ZFP62: variants seen among roughly 807,000 people sequenced by gnomAD.
ZFP62 encodes zinc finger protein 62 homolog.
Under a neutral mutation model 56.4 loss-of-function variants are expected in ZFP62, and 44 were observed. The ratio of observed to expected loss-of-function variants is 0.78; its 90% confidence interval spans 0.61 to 1.00. The LOEUF (loss-of-function observed/expected upper bound fraction) is 1.00. Among genes scored for constraint, ZFP62 ranks in the 50% least tolerant of loss-of-function variants. The pLI is 0.00. For missense variants in ZFP62, 1,030 were observed against 1,085.7 expected, an observed-to-expected ratio of 0.95 and a Z score of 0.72; for synonymous variants, 421 against 388.9, an observed-to-expected ratio of 1.08 and a Z score of -0.97.
At chr5:180,829,479 CCGGTGGCCCAG>C in the ZFP62 span, among the ~76,000 whole-genome samples, 1 of 152,246 alleles carries the variant, frequency 6.6e-6, no homozygotes, top group African/African-American at 2.4e-5. Flanking sequence ...GATGTCACCC[CCGGTGGCCCAG>C]CTGTAAAATT....
intron 1 of ZFP62, among the ~76,000 whole-genome samples, chr5:180,854,023 A>G (rs557215429): frequency 1.9e-4 from 29 of 152,354 alleles, no homozygotes; most frequent in Admixed American, 3.3e-4. Context: ...ATATTTGCAT[A>G]TATTTCCTGA....
downstream of ZFP62, among the ~76,000 whole-genome samples, chr5:180,845,326 TAAAAAAAAAAAAAAAAAAAAA>T (rs772922940): frequency 9.1e-5 from 3 of 32,822 alleles, no homozygotes; most frequent in East Asian, 1.9e-3. Context: ...GAGACCGTCT[TAAAAAAAAAAAAAAAAAAAAA>T]AAAAAAAAAA....
chr5:180,847,797 GATT>G lies in ZFP62; in HGVS notation c.*992_*994del. 1 of 985,342 alleles carries G rather than the reference GATT, an allele frequency of 1.0e-6. No homozygotes were observed. Among genetic ancestry groups the G allele is most frequent in the Non-Finnish European group, 1.2e-6 (1 of 829,908 alleles). The allele number at this position is 985,342 out of a possible 1,614,324, so 61.0% of individuals were successfully genotyped here. A position where few individuals can be genotyped will look rare whatever the true frequency, so the allele number is the denominator to read the frequency against. ...CCAAAAACAATCAAACATTTAACAG[GATT>G]ATTAAGAAACATTAATTTCCTTCTC... On this transcript the variant is annotated 3_prime_UTR_variant, in exon 2 of 2. Coordinates refer to ENST00000502412, the MANE Select transcript of ZFP62 (RefSeq NM_001172638.2).
the ZFP62 span, among the ~76,000 whole-genome samples, chr5:180,828,066 T>C: frequency 6.6e-6 from 1 of 152,232 alleles, no homozygotes; most frequent in Non-Finnish European, 1.5e-5. Flanking sequence ...CAATAAATAC[T>C]AAGGGAACTC....
At chr5:180,851,703 A>G (rs1006093694) in intron 1 of ZFP62, among the ~76,000 whole-genome samples, 1 of 152,218 alleles carries the variant, frequency 6.6e-6, no homozygotes, top group Non-Finnish European at 1.5e-5. Flanking sequence ...TAATGTTAAA[A>G]TGCTAGAACC....
At chr5:180,827,722 GGCAT>G in the ZFP62 span, among the ~76,000 whole-genome samples, 1 of 152,140 alleles carries the variant, frequency 6.6e-6, no homozygotes, top group African/African-American at 2.4e-5. Flanking sequence ...ATAAGAGGAA[GGCAT>G]GCCTCTTGCA....
downstream of ZFP62, chr5:180,845,928 T>TA: frequency 3.2e-6 from 3 of 932,816 alleles, no homozygotes; most frequent in Non-Finnish European, 3.8e-6. Flanking sequence ...AATTTGCTAA[T>TA]AGAGACATGC....
In ZFP62 at chr5:180,847,970, G is replaced by A. The variant is rs1054552710; in HGVS notation, c.*822C>T. ...CGGTGTGTTCCATTAGTTACTGAAT[G>A]TGTCAAAATCCTCTCCACGGTAGAA... On this transcript the variant is annotated 3_prime_UTR_variant, in exon 2 of 2. Transcript: ENST00000502412. The A allele has an allele frequency of 3.0e-6, 3 of 985,426 alleles. No homozygotes were observed. The highest frequency in any genetic ancestry group is 4.7e-5 in the South Asian group (1 of 21,290). 61.0% of individuals were successfully genotyped at this position (985,426 alleles called of 1,614,324 possible). A position where few individuals can be genotyped will look rare whatever the true frequency, so the allele number is the denominator to read the frequency against.
chr5:180,847,709 C>G lies in ZFP62; in HGVS notation c.*1083G>C. ...GAGAGTGAGCCCTGAACAAAGTATT[C>G]GTTAACATTTTACAACAGACAACAT... On this transcript the variant is annotated 3_prime_UTR_variant, in exon 2 of 2. Coordinates refer to ENST00000502412, the MANE Select transcript of ZFP62 (RefSeq NM_001172638.2). The G allele has an allele frequency of 1.0e-6, 1 of 985,426 alleles. No homozygotes were observed. The highest frequency in any genetic ancestry group is 1.2e-6 in the Non-Finnish European group (1 of 829,926). The allele number at this position is 985,426 out of a possible 1,614,324, so 61.0% of individuals were successfully genotyped here. A position where few individuals can be genotyped will look rare whatever the true frequency, so the allele number is the denominator to read the frequency against.
chr5:180,840,792 TG>T, the ZFP62 span, among the ~76,000 whole-genome samples: 2 of 8,264 alleles, frequency 2.4e-4, no homozygotes, highest in Admixed American at 4.2e-3. Flanking sequence ...AAACAATTTG[TG>T]TGTGTGTGTG....
At chr5:180,828,961 C>T in the ZFP62 span, among the ~76,000 whole-genome samples, 6 of 152,280 alleles carry the variant, frequency 3.9e-5, no homozygotes, top group South Asian at 4.1e-4. Flanking sequence ...TATGCGGTAG[C>T]GATAAGGACT....
At position 180,848,390 on chromosome 5, in the gene ZFP62, T is replaced by C. The variant is rs1362112167; in HGVS notation, c.*402A>G. ...CCACTGACCAATGTGTAATTGGGAT[T>C]CAAAGCTATACCTGAATTTCCTACA... On this transcript the variant is annotated 3_prime_UTR_variant, in exon 2 of 2. Transcript: ENST00000502412. The C allele has an allele frequency of 5.0e-6, 5 of 994,128 alleles. No homozygotes were observed. Among genetic ancestry groups the C allele is most frequent in the Non-Finnish European group, 6.0e-6 (5 of 835,480 alleles). 61.6% of individuals were successfully genotyped at this position (994,128 alleles called of 1,614,324 possible). A position where few individuals can be genotyped will look rare whatever the true frequency, so the allele number is the denominator to read the frequency against.
chr5:180,858,257 C>CAAAAAAAAA (rs1159409435), intron 1 of ZFP62, among the ~76,000 whole-genome samples: 29 of 40,160 alleles, frequency 7.2e-4, no homozygotes, highest in South Asian at 1.9e-3. Context: ...AACTCTGTCT[C>CAAAAAAAAA]AAAAAAAAAA....
Position 180,850,873 on chromosome 5 carries a change from A to C in ZFP62, c.622T>G (p.Ser208Ala), listed in dbSNP as rs772306427. 1 of 1,564,134 alleles carries C rather than the reference A, an allele frequency of 6.4e-7. No individual in the cohort carries two copies. The highest frequency in any genetic ancestry group is 1.2e-5 in the South Asian group (1 of 85,190). ...KCEECGKAYM[S>A]YSSLINHKST... ...TTGTGGTTTATAAGGCTGGAGTAGGACATGTAGGCTTTCCCACATTCCTCA... is the reference window on the plus strand; with the variant it reads ...TTGTGGTTTATAAGGCTGGAGTAGGCCATGTAGGCTTTCCCACATTCCTCA... The change falls in exon 2 of 2, where the codon TCC becomes GCC. Residue 208 changes from serine (S) to alanine (A), a missense_variant. Ser to Ala is a moderately conservative substitution (Grantham distance 99). Transcript: ENST00000502412.
At chr5:180,841,546 G>T in the ZFP62 span, among the ~76,000 whole-genome samples, 6 of 152,244 alleles carry the variant, frequency 3.9e-5, no homozygotes, top group South Asian at 4.1e-4. Flanking sequence ...TTAAGAGCAT[G>T]CAGACAGCAG....
chr5:180,848,957 A>G lies in ZFP62; in HGVS notation c.2538T>C (p.Gly846=). The change falls in exon 2 of 2, where the codon GGT becomes GGC. Residue 846 remains glycine, a synonymous_variant. Coordinates refer to ENST00000502412, the MANE Select transcript of ZFP62 (RefSeq NM_001172638.2). ...GKKPYRCNEC[G]KAFNIRSNLT... ...GATTTGATCTGATATTAAAAGCCTT[A>G]CCACACTCATTACATCGGTATGGCT... The G allele has an allele frequency of 6.4e-7, 1 of 1,551,770 alleles. No individual in the cohort carries two copies. Among genetic ancestry groups the G allele is most frequent in the Non-Finnish European group, 8.7e-7 (1 of 1,146,994 alleles).
chr5:180,857,785 C>T (rs902638914), intron 1 of ZFP62, among the ~76,000 whole-genome samples: 1 of 139,424 alleles, frequency 7.2e-6, no homozygotes, highest in African/African-American at 2.7e-5. Context: ...GCGTGAACCA[C>T]CGCACCCAGA....
the ZFP62 span, among the ~76,000 whole-genome samples, chr5:180,836,721 A>G: frequency 6.6e-6 from 1 of 152,226 alleles, no homozygotes; most frequent in African/African-American, 2.4e-5. Context: ...GGTAAGGGCC[A>G]TGCTGCCTTG....
At chr5:180,854,292 C>T (rs1181977348) in intron 1 of ZFP62, among the ~76,000 whole-genome samples, 1 of 152,140 alleles carries the variant, frequency 6.6e-6, no homozygotes, top group Non-Finnish European at 1.5e-5. Flanking sequence ...TGTTCAAGCA[C>T]CGTAATAACT....
Sources: allele counts gnomAD v4.1 joint callset (sites outside exome capture counted in the v4.1 genomes callset), GRCh38; gene constraint gnomAD v4.1.1; transcripts MANE v1.5; gene names NCBI Gene and HGNC (gene_info 2026-07-23, HGNC 2026-07-21).